Variants in SSH2 observed in about 807,000 individuals in gnomAD.
SSH2 encodes slingshot protein phosphatase 2.
In SSH2, 37 loss-of-function variants were observed where a neutral mutation model predicts 135.2. The ratio of observed to expected loss-of-function variants is 0.27; its 90% CI spans 0.21 to 0.36. SSH2 has a LOEUF of 0.36. SSH2 is among the 10% of genes least tolerant of loss of function. SSH2 has a pLI of 1.00. For missense variants in SSH2, 1,408 were observed against 1,765.3 expected, an observed-to-expected ratio of 0.80 and a Z score of 3.63; for synonymous variants, 628 against 646.2, an observed-to-expected ratio of 0.97 and a Z score of 0.43.
chr17:29,667,241 A>G lies in SSH2; in HGVS notation c.810-18T>C, dbSNP rs933116882. 1 of 1,436,010 alleles carries G rather than the reference A, an allele frequency of 7.0e-7. No homozygotes were observed. Among genetic ancestry groups the G allele is most frequent in the Admixed American group, 1.9e-5 (1 of 53,616 alleles). The allele number at this position is 1,436,010 out of a possible 1,614,324, so 89.0% of individuals were successfully genotyped here. On this transcript the variant is annotated intron_variant, in intron 9 of 15. Transcript: ENST00000540801. ...CAGTAGGTCTGAGAAGAGAGAAATAACGATTATTCTTAAACGATATTCTTA... is the reference window on the plus strand; with the variant it reads ...CAGTAGGTCTGAGAAGAGAGAAATAGCGATTATTCTTAAACGATATTCTTA...
At chr17:29,762,399 C>G (rs1430577056) in intron 3 of SSH2, among the ~76,000 whole-genome samples, 1 of 152,104 alleles carries the variant, frequency 6.6e-6, no homozygotes, top group African/African-American at 2.4e-5. Flanking sequence ...ATTGGAATCT[C>G]TTGAAGGTGG....
chr17:29,675,371 G>T (rs2037663279), intron 8 of SSH2, among the ~76,000 whole-genome samples: 2 of 151,958 alleles, frequency 1.3e-5, no homozygotes, highest in African/African-American at 4.8e-5. Context: ...CTCCCCATGG[G>T]GACTTCTACT....
intron 7 of SSH2, among the ~76,000 whole-genome samples, chr17:29,677,232 T>C (rs998480066): frequency 1.3e-5 from 2 of 149,988 alleles, no homozygotes; most frequent in African/African-American, 2.5e-5. Flanking sequence ...GGAGCAAACA[T>C]CTTGGTCTCT....
chr17:29,782,746 T>G (rs2041867310), intron 3 of SSH2, among the ~76,000 whole-genome samples: 1 of 152,170 alleles, frequency 6.6e-6, no homozygotes. Flanking sequence ...CCACCACGCC[T>G]GGCTAATTTT....
intron 3 of SSH2, among the ~76,000 whole-genome samples, chr17:29,722,418 G>A (rs2039854623): frequency 6.6e-6 from 1 of 152,074 alleles, no homozygotes; most frequent in South Asian, 2.1e-4. Flanking sequence ...AAGTCAGAAA[G>A]GAAAATAAAA....
intron 1 of SSH2, among the ~76,000 whole-genome samples, chr17:29,867,509 A>C (rs1370077464): frequency 6.6e-6 from 1 of 152,208 alleles, no homozygotes; most frequent in Non-Finnish European, 1.5e-5. Context: ...TAGTATGATC[A>C]CTGTATGTGT....
chr17:29,761,887 A>ATATATT (rs1189981277), intron 3 of SSH2, among the ~76,000 whole-genome samples: 45 of 143,658 alleles, frequency 3.1e-4, no homozygotes, highest in African/African-American at 1.1e-3. Context: ...ATATATATAT[A>ATATATT]TTTTTTTTTG....
At chr17:29,644,599 G>A (rs1304838840) in intron 14 of SSH2, among the ~76,000 whole-genome samples, 1 of 152,110 alleles carries the variant, frequency 6.6e-6, no homozygotes, top group Non-Finnish European at 1.5e-5. Flanking sequence ...ACGAGGTCAA[G>A]AGATCGAGAC....
At position 29,631,340 on chromosome 17, in the gene SSH2, G is replaced by A. The variant is rs761154070; in HGVS notation, c.3854C>T (p.Ala1285Val). ...LTKPSQMRRS[A>V]SLAKLGYLDL... The stretch of plus-strand genomic sequence containing the variant: ...CAAGTAACCTAATTTGGCGAGAGAA[G>A]CTGAGCGCCTCATTTGGGATGGTTT... The change falls in exon 16 of 16, where the codon GCT becomes GTT. Residue 1285 changes from alanine to valine, a missense_variant. By Grantham distance (64) the Ala-to-Val change is moderately conservative (BLOSUM62 0). Coordinates refer to ENST00000540801, the MANE Select transcript of SSH2 (RefSeq NM_001282129.2). The A allele has an allele frequency of 1.2e-6, 2 of 1,614,154 alleles. No homozygotes were observed. The highest frequency in any genetic ancestry group is 1.1e-5 in the South Asian group (1 of 91,080).
chr17:29,855,170 T>C (rs1245959898), intron 1 of SSH2, among the ~76,000 whole-genome samples: 1 of 152,010 alleles, frequency 6.6e-6, no homozygotes, highest in Non-Finnish European at 1.5e-5. Context: ...GTGAATACAT[T>C]GCAGGTGTAC....
chr17:29,885,112 C>T (rs2066210470), intron 1 of SSH2, among the ~76,000 whole-genome samples: 1 of 152,072 alleles, frequency 6.6e-6, no homozygotes, highest in Admixed American at 6.6e-5. Context: ...TGGCTCTTGC[C>T]TACTTAGTTC....
At chr17:29,867,904 C>T (rs987446922) in intron 1 of SSH2, among the ~76,000 whole-genome samples, 1 of 152,170 alleles carries the variant, frequency 6.6e-6, no homozygotes, top group Non-Finnish European at 1.5e-5. Context: ...AAATTAAGAA[C>T]TACCAGGCTG....
intron 14 of SSH2, among the ~76,000 whole-genome samples, chr17:29,637,054 T>C (rs1210101730): frequency 3.3e-5 from 5 of 152,224 alleles, no homozygotes; most frequent in Admixed American, 2.6e-4. Flanking sequence ...CCAGTGTTGA[T>C]GATGGTATGG....
At chr17:29,746,724 T>C (rs990851291) in intron 3 of SSH2, among the ~76,000 whole-genome samples, 2 of 152,046 alleles carry the variant, frequency 1.3e-5, no homozygotes, top group Non-Finnish European at 2.9e-5. Context: ...AGCTCTGTTG[T>C]AAGTGATATT....
chr17:29,729,829 A>T (rs1237430952), intron 3 of SSH2, among the ~76,000 whole-genome samples: 1 of 150,644 alleles, frequency 6.6e-6, no homozygotes, highest in East Asian at 1.9e-4. Context: ...GGAGCTAAAA[A>T]TGAAAACAAT....
intron 2 of SSH2, among the ~76,000 whole-genome samples, chr17:29,811,756 A>G (rs1333991892): frequency 1.3e-5 from 2 of 152,060 alleles, no homozygotes; most frequent in East Asian, 3.8e-4. Context: ...TTGTAGAGAC[A>G]GAGTCTCACT....
rs1007334935 is a variant in SSH2 at position 29,766,975 on chromosome 17, C to G, written c.188+26919G>C. Among the ~76,000 whole-genome samples, 2 of 152,170 alleles carry G rather than the reference C, an allele frequency of 1.3e-5. 1 individual carries two copies. The highest frequency in any genetic ancestry group is 4.1e-4 in the South Asian group (2 of 4,822). On this transcript the variant is annotated intron_variant, in intron 3 of 15. Coordinates refer to ENST00000540801, the MANE Select transcript of SSH2 (RefSeq NM_001282129.2). ...AAACCAAACTTTGTAAACAAAGGCA[C>G]TTAAAAGCAATCATGTTTTGCAATC...
intron 5 of SSH2, among the ~76,000 whole-genome samples, chr17:29,686,040 G>T (rs185441671): frequency 5.9e-4 from 89 of 151,808 alleles, no homozygotes; most frequent in African/African-American, 2.0e-3. Context: ...TAGAGACGGG[G>T]TTTCTCCATG....
chr17:29,914,550 C>A (rs147038552), intron 1 of SSH2, among the ~76,000 whole-genome samples: 1,462 of 140,280 alleles, frequency 0.01, 18 homozygotes, highest in African/African-American at 0.033. Context: ...CAGAGAGAGA[C>A]CCTGTCTGAA....
Sources: gnomAD v4.1 joint callset for allele counts (sites outside exome capture counted in the v4.1 genomes callset) on GRCh38, gnomAD v4.1.1 for gene constraint, MANE v1.5 for transcripts, NCBI Gene and HGNC (gene_info 2026-07-23, HGNC 2026-07-21) for gene names.